The following CRLS1 variants were observed in gnomAD, a reference collection of about 807,000 sequenced individuals.
The protein encoded by CRLS1 is cardiolipin synthase 1, also known as cardiolipin synthase (CMP-forming).
A neutral mutation model predicts 37.0 loss-of-function variants in CRLS1; 24 were observed. The ratio of observed to expected loss-of-function variants is 0.65; its 90% CI spans 0.47 to 0.91. The LOEUF (loss-of-function observed/expected upper bound fraction) is 0.91. Among genes scored for constraint, CRLS1 ranks in the 40% least tolerant of loss-of-function variants. CRLS1 has a pLI of 0.00. For missense variants in CRLS1, 373 were observed against 395.8 expected (o/e 0.94, Z 0.49); for synonymous variants, 135 against 159.7 (o/e 0.85, Z 1.17).
chr20:6,037,059 TTTC>T lies in CRLS1; in HGVS notation c.822-11_822-9del. 1 of 1,593,626 alleles carries T rather than the reference TTTC, an allele frequency of 6.3e-7. No individual in the cohort carries two copies. The highest frequency in any genetic ancestry group is 8.6e-7 in the Non-Finnish European group (1 of 1,163,790). On this transcript the variant is annotated splice_polypyrimidine_tract_variant and intron_variant, in intron 6 of 6. Transcript: ENST00000378863. ...GACTTGACAACTACATTTTATTTCT[TTTC>T]TTCCATAAAAGGTGTTTTACAGCTT... is the stretch of plus-strand genomic sequence containing the variant.
chr20:6,016,690 G>A (rs1052483189), intron 3 of CRLS1, among the ~76,000 whole-genome samples: 4 of 152,158 alleles, frequency 2.6e-5, no homozygotes, highest in Admixed American at 1.3e-4. Context: ...TGGAATTATG[G>A]GTAATGTTGC....
intron 5 of CRLS1, 111 bp downstream of exon 5, chr20:6,032,191 T>C (rs1980215709): frequency 2.4e-6 from 2 of 847,882 alleles, no homozygotes; most frequent in Non-Finnish European, 3.9e-6. Flanking sequence ...ATGCATTGAG[T>C]ATAGAGGCTA....
chr20:6,030,432 A>G (rs1222725062), intron 3 of CRLS1, among the ~76,000 whole-genome samples: 1 of 152,174 alleles, frequency 6.6e-6, no homozygotes, highest in Non-Finnish European at 1.5e-5. Context: ...ATAAGTATAC[A>G]ATATTTCACG....
chr20:6,008,307 G>A (rs1297332146), intron 1 of CRLS1, among the ~76,000 whole-genome samples: 6 of 151,972 alleles, frequency 3.9e-5, no homozygotes, highest in South Asian at 2.1e-4. Context: ...TTGACACAGC[G>A]GAGAAAAAAA....
intron 2 of CRLS1, among the ~76,000 whole-genome samples, chr20:6,011,611 A>G (rs1245268194): frequency 6.1e-4 from 18 of 29,290 alleles, no homozygotes; most frequent in East Asian, 1.4e-3. Context: ...TTTTTTGGGG[A>G]GACTGACTCT....
upstream of CRLS1, chr20:6,006,032 G>T: frequency 5.7e-6 from 2 of 353,664 alleles, no homozygotes; most frequent in East Asian, 4.3e-5. Flanking sequence ...GAAGCCCGAC[G>T]ACGACGGTGT....
In CRLS1 at chr20:6,037,062, C is replaced by T; in HGVS notation, c.822-12C>T. The T allele has an allele frequency of 1.3e-6, 2 of 1,594,932 alleles. No individual in the cohort carries two copies. Among genetic ancestry groups the T allele is most frequent in the Non-Finnish European group, 1.7e-6 (2 of 1,165,644 alleles). ...TTGACAACTACATTTTATTTCTTTT[C>T]TTCCATAAAAGGTGTTTTACAGCTT... is the stretch of plus-strand genomic sequence containing the variant. On this transcript the variant is annotated splice_polypyrimidine_tract_variant and intron_variant, in intron 6 of 6. Coordinates refer to ENST00000378863, the MANE Select transcript of CRLS1 (RefSeq NM_019095.6).
chr20:6,026,959 G>C (rs1568627525), intron 3 of CRLS1, among the ~76,000 whole-genome samples: 1 of 152,146 alleles, frequency 6.6e-6, no homozygotes, highest in African/African-American at 2.4e-5. Flanking sequence ...TGCTTTGTGG[G>C]TAATGTGATC....
intron 2 of CRLS1, among the ~76,000 whole-genome samples, chr20:6,012,093 C>T (rs1978365685): frequency 6.6e-6 from 1 of 151,840 alleles, no homozygotes; most frequent in Admixed American, 6.6e-5. Flanking sequence ...TAGAGAGGCC[C>T]CATTAACATT....
At chr20:6,025,426 T>C (rs954946828) in intron 3 of CRLS1, among the ~76,000 whole-genome samples, 1 of 152,194 alleles carries the variant, frequency 6.6e-6, no homozygotes, top group Non-Finnish European at 1.5e-5. Context: ...AAAAAAAAGA[T>C]TCCTTTAAAA....
intron 1 of CRLS1, chr20:6,007,451 T>G: frequency 1.3e-6 from 2 of 1,589,240 alleles, no homozygotes; most frequent in Non-Finnish European, 8.6e-7. Flanking sequence ...CTCCTAACAT[T>G]AACTTTGAAA....
At chr20:6,012,477 A>G (rs772057478) in intron 2 of CRLS1, among the ~76,000 whole-genome samples, 2 of 152,062 alleles carry the variant, frequency 1.3e-5, no homozygotes, top group African/African-American at 2.4e-5. Flanking sequence ...TAATATGTGG[A>G]TGGATTAGAT....
In CRLS1 at chr20:6,034,450, CTTTT is replaced by C. The variant is rs748825471; in HGVS notation, c.730-10_730-7del. On this transcript the variant is annotated splice_polypyrimidine_tract_variant and intron_variant, in intron 5 of 6. Transcript: ENST00000378863. The stretch of plus-strand genomic sequence containing the variant: ...TGGCACTATTCACTTAGAACTTTTT[CTTTT>C]TTTATTTAGGTGAATACAGCAGTCC... 3 of 1,599,366 alleles carry C rather than the reference CTTTT, an allele frequency of 1.9e-6. No individual in the cohort carries two copies. The highest frequency in any genetic ancestry group is 3.3e-4 in the Middle Eastern group (2 of 6,006).
At chr20:6,035,662 C>T (rs972240897) in intron 6 of CRLS1, among the ~76,000 whole-genome samples, 1 of 152,040 alleles carries the variant, frequency 6.6e-6, no homozygotes, top group African/African-American at 2.4e-5. Context: ...TGCTCTGTCA[C>T]CCAGCCTGTA....
At chr20:6,012,172 A>G (rs574979392) in intron 2 of CRLS1, among the ~76,000 whole-genome samples, 1 of 152,132 alleles carries the variant, frequency 6.6e-6, no homozygotes, top group Non-Finnish European at 1.5e-5. Context: ...CATTTGTTCC[A>G]TGGAGATTTT....
In CRLS1 at chr20:6,037,878, C is replaced by T. The variant is rs1980685491; in HGVS notation, c.*720C>T. The T allele has an allele frequency of 2.6e-5, 4 of 152,254 alleles. No homozygotes were observed. Among genetic ancestry groups the T allele is most frequent in the East Asian group, 3.9e-4 (2 of 5,180 alleles). The allele number at this position is 152,254 out of a possible 1,614,324, so 9.4% of individuals were successfully genotyped here. A position where few individuals can be genotyped will look rare whatever the true frequency, so the allele number is the denominator to read the frequency against. ...ATCTAAAAGGCAGTGAGTTACGTTC[C>T]TGCCTTCCACTGTGTTTCTGACATA... is the stretch of plus-strand genomic sequence containing the variant. On this transcript the variant is annotated 3_prime_UTR_variant, in exon 7 of 7. Transcript: ENST00000378863.
chr20:6,018,306 A>G (rs1355281071), intron 3 of CRLS1, among the ~76,000 whole-genome samples: 2 of 151,612 alleles, frequency 1.3e-5, no homozygotes, highest in Non-Finnish European at 2.9e-5. Flanking sequence ...TGTTATGTCT[A>G]GCGAAACTTG....
chr20:6,031,398 T>C (rs2034648658), intron 4 of CRLS1, 28 bp downstream of exon 4: 2 of 1,502,690 alleles, frequency 1.3e-6, no homozygotes, highest in African/African-American at 2.8e-5. Context: ...AAGTATTCTT[T>C]TAGCATTATA....
chr20:6,030,238 A>G (rs1233118727), intron 3 of CRLS1, among the ~76,000 whole-genome samples: 2 of 152,054 alleles, frequency 1.3e-5, no homozygotes, highest in Non-Finnish European at 2.9e-5. Flanking sequence ...GTTCTCTGCC[A>G]TCTCATTCCC....
Sources: allele counts gnomAD v4.1 joint callset (sites outside exome capture counted in the v4.1 genomes callset), GRCh38; gene constraint gnomAD v4.1.1; transcripts MANE v1.5; gene names NCBI Gene and HGNC (gene_info 2026-07-23, HGNC 2026-07-21).